Variants in ST8SIA1 observed in about 807,000 individuals in gnomAD.
ST8SIA1 encodes the protein ST8 alpha-N-acetyl-neuraminide alpha-2,8-sialyltransferase 1.
ST8SIA1 carries 16 observed loss-of-function variants against 35.9 expected under a neutral mutation model. The observed-to-expected ratio is 0.45, with a 90% CI of 0.30 to 0.68. ST8SIA1 has a LOEUF of 0.68. Among genes scored for constraint, ST8SIA1 ranks in the 30% least tolerant of loss-of-function variants. ST8SIA1 has a pLI of 0.09. For missense variants in ST8SIA1, 383 were observed against 453.6 expected, an observed-to-expected ratio of 0.84 and a Z score of 1.41; for synonymous variants, 170 against 169.6, an observed-to-expected ratio of 1.00 and a Z score of -0.02.
intron 1 of ST8SIA1, among the ~76,000 whole-genome samples, chr12:22,299,226 G>A (rs1053246526): frequency 2.6e-5 from 4 of 152,058 alleles, no homozygotes; most frequent in African/African-American, 9.7e-5. Context: ...TAAAAAAAGT[G>A]TCCTTTTTAA....
intron 4 of ST8SIA1, among the ~76,000 whole-genome samples, chr12:22,224,020 T>C (rs1371060188): frequency 2.0e-5 from 3 of 152,196 alleles, no homozygotes; most frequent in African/African-American, 7.2e-5. Context: ...ATTCTTTTGT[T>C]TTCCTAAAAG....
chr12:22,246,293 G>A (rs1379908106), intron 4 of ST8SIA1, among the ~76,000 whole-genome samples: 1 of 152,192 alleles, frequency 6.6e-6, no homozygotes. Context: ...TGCTTGGTGT[G>A]TGGGGGAAAA....
chr12:22,208,188 C>T (rs946006827), intron 4 of ST8SIA1, among the ~76,000 whole-genome samples: 3 of 149,024 alleles, frequency 2.0e-5, no homozygotes, highest in Admixed American at 6.7e-5. Context: ...TATCATCATA[C>T]GGGTCACACT....
At chr12:22,302,009 A>G (rs1215671291) in intron 1 of ST8SIA1, among the ~76,000 whole-genome samples, 1 of 152,210 alleles carries the variant, frequency 6.6e-6, no homozygotes, top group Non-Finnish European at 1.5e-5. Context: ...CTTTATACAA[A>G]TAATCTGGGC....
At chr12:22,262,626 G>C (rs1017690440) in intron 2 of ST8SIA1, among the ~76,000 whole-genome samples, 1 of 152,186 alleles carries the variant, frequency 6.6e-6, no homozygotes, top group Non-Finnish European at 1.5e-5. Context: ...CTGGGAGGCA[G>C]GGCAAAAAGT....
chr12:22,309,422 C>G (rs979949604), intron 1 of ST8SIA1, among the ~76,000 whole-genome samples: 1 of 152,152 alleles, frequency 6.6e-6, no homozygotes, highest in African/African-American at 2.4e-5. Flanking sequence ...TCTGCTTCAC[C>G]TTTTGACATC....
At chr12:22,274,239 C>T (rs1242884468) in intron 2 of ST8SIA1, among the ~76,000 whole-genome samples, 1 of 152,132 alleles carries the variant, frequency 6.6e-6, no homozygotes, top group Admixed American at 6.5e-5. Context: ...AATGGGAAGA[C>T]AATCAAGGGT....
chr12:22,320,809 G>T (rs1474042685), intron 1 of ST8SIA1, among the ~76,000 whole-genome samples: 1 of 148,576 alleles, frequency 6.7e-6, no homozygotes, highest in East Asian at 2.0e-4. Context: ...CAGCCTGGGT[G>T]CAGAGAAAGA....
intron 1 of ST8SIA1, among the ~76,000 whole-genome samples, chr12:22,313,810 T>A (rs1050698631): frequency 1.3e-5 from 2 of 152,226 alleles, no homozygotes; most frequent in Admixed American, 6.5e-5. Context: ...CCATATGGAC[T>A]GACCAATCAG....
rs201594194 is a variant in ST8SIA1, at chr12:22,230,369, T to A, written c.584+18637A>T. Among the ~76,000 whole-genome samples the A allele has an allele frequency of 1.1e-4, 16 of 152,314 alleles. No individual in the cohort carries two copies. The East Asian group carries it at 2.7e-3, about 26-fold the overall frequency. ...GAATCCTGCCCTCTCTGGGGCTCTG[T>A]AATACAAAAGAGTAGAGTCTGTTTC... On this transcript the variant is annotated intron_variant, in intron 4 of 4. Coordinates refer to ENST00000396037, the MANE Select transcript of ST8SIA1 (RefSeq NM_003034.4).
At chr12:22,259,475 T>C (rs199558839) in intron 2 of ST8SIA1, among the ~76,000 whole-genome samples, 5 of 32,724 alleles carry the variant, frequency 1.5e-4, no homozygotes, top group African/African-American at 3.4e-4. Context: ...TTTTTTTTTC[T>C]TTTTTTTTTT....
At chr12:22,298,544 G>GT (rs1386062924) in intron 1 of ST8SIA1, among the ~76,000 whole-genome samples, 1 of 152,132 alleles carries the variant, frequency 6.6e-6, no homozygotes, top group Non-Finnish European at 1.5e-5. Flanking sequence ...TTTGTGCATG[G>GT]TTTTTTCCTA....
intron 1 of ST8SIA1, among the ~76,000 whole-genome samples, chr12:22,288,973 T>C (rs1204837710): frequency 6.6e-6 from 1 of 152,178 alleles, no homozygotes; most frequent in Non-Finnish European, 1.5e-5. Context: ...CTCAAACTCC[T>C]GGGCTCAAGC....
chr12:22,307,277 A>G (rs1866397737), intron 1 of ST8SIA1, among the ~76,000 whole-genome samples: 1 of 152,176 alleles, frequency 6.6e-6, no homozygotes, highest in Non-Finnish European at 1.5e-5. Flanking sequence ...ACGGGGACTC[A>G]GCCATTTCAC....
At chr12:22,264,034 A>G (rs1251788389) in intron 2 of ST8SIA1, among the ~76,000 whole-genome samples, 1 of 152,082 alleles carries the variant, frequency 6.6e-6, no homozygotes, top group Non-Finnish European at 1.5e-5. Context: ...TTTTCTTTCT[A>G]TATACCCTCA....
chr12:22,295,251 T>C (rs190368050), intron 1 of ST8SIA1, among the ~76,000 whole-genome samples: 1 of 152,260 alleles, frequency 6.6e-6, no homozygotes, highest in Non-Finnish European at 1.5e-5. Context: ...AAGAAAGCCA[T>C]GTGAATATCT....
intron 3 of ST8SIA1, among the ~76,000 whole-genome samples, chr12:22,251,806 T>C (rs1865673574): frequency 6.6e-6 from 1 of 152,224 alleles, no homozygotes; most frequent in Admixed American, 6.5e-5. Context: ...TGAATATTCT[T>C]TGAATTGGGA....
intron 4 of ST8SIA1, among the ~76,000 whole-genome samples, chr12:22,226,062 T>C (rs1179029362): frequency 6.6e-6 from 1 of 152,214 alleles, no homozygotes; most frequent in Non-Finnish European, 1.5e-5. Flanking sequence ...TACTGCAAAT[T>C]TCTTATTCTT....
intron 1 of ST8SIA1, among the ~76,000 whole-genome samples, chr12:22,296,439 AT>A (rs1866244550): frequency 6.6e-6 from 1 of 151,784 alleles, no homozygotes; most frequent in East Asian, 1.9e-4. Flanking sequence ...TATTTCTAAC[AT>A]TTTCTCTAAC....
Sources: allele counts gnomAD v4.1 joint callset (sites outside exome capture counted in the v4.1 genomes callset), GRCh38; gene constraint gnomAD v4.1.1; transcripts MANE v1.5; gene names NCBI Gene and HGNC (gene_info 2026-07-23, HGNC 2026-07-21).